Variants in ERC2 observed in about 807,000 individuals in gnomAD.
ERC2 encodes the protein ERC protein 2.
A neutral mutation model predicts 114.8 loss-of-function variants in ERC2; 42 were observed. The ratio of observed to expected loss-of-function variants is 0.37; its 90% CI spans 0.29 to 0.47. The LOEUF (loss-of-function observed/expected upper bound fraction) is 0.47. Among genes scored for constraint, ERC2 ranks in the 20% least tolerant of loss-of-function variants. ERC2 has a pLI of 0.99. For synonymous variants in ERC2, 454 were observed against 425.5 expected (o/e 1.07, Z -0.82); for missense variants, 939 against 1,150.7 (o/e 0.82, Z 2.66).
At chr3:55,811,173 A>G (rs1232460410) in intron 14 of ERC2, among the ~76,000 whole-genome samples, 2 of 152,232 alleles carry the variant, frequency 1.3e-5, no homozygotes, top group East Asian at 3.8e-4. Flanking sequence ...TTAAATAGCA[A>G]TACATGGCTA....
chr3:56,381,765 G>T (rs887321002), intron 2 of ERC2, among the ~76,000 whole-genome samples: 1 of 151,836 alleles, frequency 6.6e-6, no homozygotes, highest in Non-Finnish European at 1.5e-5. Flanking sequence ...GAAAAAAAGG[G>T]GGGGGTGGAA....
rs543601529 is a variant in ERC2, at chr3:55,898,719, AT to A, written c.2404-10171del. Among the ~76,000 whole-genome samples the A allele has an allele frequency of 3.0e-3, 441 of 149,274 alleles. 3 individuals carry two copies. Among genetic ancestry groups the A allele is most frequent in the African/African-American group, 9.8e-3 (401 of 40,780 alleles). Reference sequence around the variant, plus strand: ...AAGCAAGACAAAGGGTTGGATTTCCATTTTTTTTTTACATTTTCCAAAAGAT... The same window carrying A: ...AAGCAAGACAAAGGGTTGGATTTCCATTTTTTTTTACATTTTCCAAAAGAT... On this transcript the variant is annotated intron_variant, in intron 13 of 17. Transcript: ENST00000288221.
At position 55,687,661 on chromosome 3, in the gene ERC2, G is replaced by A. The variant is rs9311577; in HGVS notation, c.2848-3802C>T. On this transcript the variant is annotated intron_variant, in intron 16 of 17. Transcript: ENST00000288221. ...TCTGGTGTGGGCAGTCTTCAGACTC[G>A]CCTCCACCCCTAATTCATTCATGGC... Among the ~76,000 whole-genome samples the A allele has an allele frequency of 7.7e-3, 1,177 of 152,226 alleles. 20 individuals are homozygous for A. The highest frequency in any genetic ancestry group is 0.027 in the African/African-American group (1,123 of 41,528).
intron 1 of ERC2, among the ~76,000 whole-genome samples, chr3:56,465,659 T>A (rs2063511225): frequency 6.6e-6 from 1 of 152,244 alleles, no homozygotes; most frequent in Non-Finnish European, 1.5e-5. Context: ...TACCTTCTTT[T>A]AAGTCATCAT....
At chr3:55,635,004 C>T (rs760482513) in intron 17 of ERC2, among the ~76,000 whole-genome samples, 14 of 151,908 alleles carry the variant, frequency 9.2e-5, no homozygotes, top group Non-Finnish European at 1.6e-4. Context: ...GCCTCAGCCT[C>T]TTGAGTAGCT....
At chr3:56,368,229 T>G (rs1366083992) in intron 2 of ERC2, among the ~76,000 whole-genome samples, 1 of 151,048 alleles carries the variant, frequency 6.6e-6, no homozygotes, top group African/African-American at 2.4e-5. Context: ...AGATCGGTCA[T>G]ACATCATGGG....
intron 6 of ERC2, among the ~76,000 whole-genome samples, chr3:56,124,010 C>T (rs558846861): frequency 6.6e-6 from 1 of 152,232 alleles, no homozygotes; most frequent in East Asian, 1.9e-4. Context: ...CCACTTTGCA[C>T]ATATGAAAGT....
intron 1 of ERC2, among the ~76,000 whole-genome samples, chr3:56,465,138 C>T (rs2063485858): frequency 6.6e-6 from 1 of 152,228 alleles, no homozygotes; most frequent in Non-Finnish European, 1.5e-5. Flanking sequence ...GTGGTTCACA[C>T]CTGTAATGCC....
chr3:56,277,811 T>C (rs2054100589), intron 3 of ERC2, among the ~76,000 whole-genome samples: 1 of 151,352 alleles, frequency 6.6e-6, no homozygotes, highest in Admixed American at 6.6e-5. Context: ...GCAAGGAAAC[T>C]GGTTACAGAG....
chr3:56,154,288 C>G (rs1255822790), intron 4 of ERC2, among the ~76,000 whole-genome samples: 1 of 152,056 alleles, frequency 6.6e-6, no homozygotes. Context: ...CTTCTTGGGC[C>G]TTGTCAAACT....
At position 56,322,103 on chromosome 3, in the gene ERC2, A is replaced by C. The variant is rs185516575; in HGVS notation, c.658-25668T>G. ...AAATCACCTAACCACAGAGCGTGGCAGTTTCCTCATTTGTAAAATGAGCTA... is the reference window on the plus strand; with the variant it reads ...AAATCACCTAACCACAGAGCGTGGCCGTTTCCTCATTTGTAAAATGAGCTA... On this transcript the variant is annotated intron_variant, in intron 2 of 17. Transcript: ENST00000288221. Among the ~76,000 whole-genome samples the C allele has an allele frequency of 4.8e-3, 735 of 152,356 alleles. 1 individual carries two copies. The highest frequency in any genetic ancestry group is 7.0e-3 in the Non-Finnish European group (474 of 68,034).
chr3:56,144,520 G>GA (rs1241729815), intron 5 of ERC2, among the ~76,000 whole-genome samples: 1 of 152,126 alleles, frequency 6.6e-6, no homozygotes, highest in African/African-American at 2.4e-5. Context: ...TGTTTATAGT[G>GA]AAAAAACCGA....
intron 17 of ERC2, among the ~76,000 whole-genome samples, chr3:55,521,272 G>A (rs2052915115): frequency 6.6e-6 from 1 of 152,216 alleles, no homozygotes; most frequent in Admixed American, 6.5e-5. Context: ...AGCAAGCACT[G>A]CCTTAGGCCA....
intron 11 of ERC2, among the ~76,000 whole-genome samples, chr3:55,991,270 C>T (rs2071037680): frequency 6.6e-6 from 1 of 152,174 alleles, no homozygotes; most frequent in Admixed American, 6.5e-5. Flanking sequence ...TGGATTGAAT[C>T]TGGGAAAGAC....
intron 17 of ERC2, among the ~76,000 whole-genome samples, chr3:55,633,297 T>C (rs1335100130): frequency 1.3e-5 from 2 of 152,156 alleles, no homozygotes; most frequent in African/African-American, 4.8e-5. Flanking sequence ...GCTGAATGAA[T>C]GAGTGAGTGA....
At chr3:56,235,515 T>A (rs1376797718) in intron 3 of ERC2, among the ~76,000 whole-genome samples, 1 of 152,310 alleles carries the variant, frequency 6.6e-6, no homozygotes, top group African/African-American at 2.4e-5. Flanking sequence ...GTACTCTTTT[T>A]AAAAATTCAT....
intron 13 of ERC2, among the ~76,000 whole-genome samples, chr3:55,930,362 T>C (rs2066002822): frequency 1.3e-5 from 2 of 152,174 alleles, no homozygotes; most frequent in Admixed American, 6.5e-5. Flanking sequence ...GGAGAGTGGT[T>C]ATTCTTGAAA....
chr3:56,462,847 C>T (rs2063376752), intron 1 of ERC2, among the ~76,000 whole-genome samples: 1 of 152,162 alleles, frequency 6.6e-6, no homozygotes, highest in Admixed American at 6.5e-5. Context: ...ATAAGAACTA[C>T]AGGGGAAGGC....
intron 2 of ERC2, among the ~76,000 whole-genome samples, chr3:56,424,847 C>A (rs1365655411): frequency 6.6e-6 from 1 of 152,094 alleles, no homozygotes; most frequent in Admixed American, 6.5e-5. Flanking sequence ...TGTTGTGGTG[C>A]TAAACTATAT....
Sources: gnomAD v4.1 joint callset for allele counts (sites outside exome capture counted in the v4.1 genomes callset) on GRCh38, gnomAD v4.1.1 for gene constraint, MANE v1.5 for transcripts, NCBI Gene and HGNC (gene_info 2026-07-23, HGNC 2026-07-21) for gene names.